The following OR2M4 variants were observed in gnomAD, a reference collection of about 807,000 sequenced individuals.
OR2M4 encodes the protein olfactory receptor family 2 subfamily M member 4.
Under a neutral mutation model 13.7 loss-of-function variants are expected in OR2M4, and 8 were observed. The observed-to-expected ratio is 0.58, with a 90% CI of 0.34 to 1.05. OR2M4 has a LOEUF of 1.05. Among genes scored for constraint, OR2M4 ranks in the 50% least tolerant of loss-of-function variants. The probability of loss-of-function intolerance (pLI) is 0.02; values close to 1 mark genes in which losing one functional copy is unlikely to be tolerated. For missense variants in OR2M4, 374 were observed against 381.6 expected, an observed-to-expected ratio of 0.98 and a Z score of 0.17; for synonymous variants, 152 against 141.3, an observed-to-expected ratio of 1.08 and a Z score of -0.53.
chr1:248,236,687 AAG>A (rs1227998725), intron 1 of OR2M4, among the ~76,000 whole-genome samples: 1 of 152,176 alleles, frequency 6.6e-6, no homozygotes, highest in Non-Finnish European at 1.5e-5. Context: ...ATAAAGAAGA[AAG>A]AGAGAATAAT....
At chr1:248,234,630 A>C (rs1666539377) in intron 1 of OR2M4, among the ~76,000 whole-genome samples, 1 of 151,534 alleles carries the variant, frequency 6.6e-6, no homozygotes, top group Admixed American at 6.6e-5. Context: ...ACCTTCATTC[A>C]TGTCCCTGCA....
Position 248,239,811 on chromosome 1 carries a change from A to T in OR2M4, c.883A>T (p.Lys295Ter). 6.2e-7 allele frequency: 1 copy of T among 1,613,970 alleles called. No homozygotes were observed. The highest frequency in any genetic ancestry group is 8.5e-7 in the Non-Finnish European group (1 of 1,179,964). ...LNPLIYSLRNKEVFRALQKVL... is the reference protein window; with the variant it reads ...LNPLIYSLRN ...CCCTCTCATTTATAGCCTCCGCAACAAAGAAGTGTTCAGGGCACTACAGAA... is the reference window on the plus strand; with the variant it reads ...CCCTCTCATTTATAGCCTCCGCAACTAAGAAGTGTTCAGGGCACTACAGAA... The change falls in exon 2 of 2, where the codon AAA becomes TAA. Residue 295 changes from lysine to a stop codon, truncating the protein, a stop_gained. Transcript: ENST00000641868. LOFTEE classifies it high-confidence loss of function.
In OR2M4 at chr1:248,241,145, C is replaced by T. The variant is rs1666615720; in HGVS notation, c.*1281C>T. The T allele has an allele frequency of 6.6e-6, 1 of 152,218 alleles. No individual in the cohort carries two copies. The highest frequency in any genetic ancestry group is 2.1e-4 in the South Asian group (1 of 4,814). The allele number at this position is 152,218 out of a possible 1,614,324, so 9.4% of individuals were successfully genotyped here. A position where few individuals can be genotyped will look rare whatever the true frequency, so the allele number is the denominator to read the frequency against. Reference sequence around the variant, plus strand: ...GCGGCGGGCACGTGAACTACAGAGACAGCAGCTGGGGCAACTGAGGTTGTG... The same window carrying T: ...GCGGCGGGCACGTGAACTACAGAGATAGCAGCTGGGGCAACTGAGGTTGTG... On this transcript the variant is annotated 3_prime_UTR_variant, in exon 2 of 2. Transcript: ENST00000641868.
At position 248,243,063 on chromosome 1, in the gene OR2M4, CTA is replaced by C. The variant is rs1376118310; in HGVS notation, c.*3200_*3201del. The C allele has an allele frequency of 3.3e-5, 5 of 151,900 alleles. No homozygotes were observed. Among genetic ancestry groups the C allele is most frequent in the Non-Finnish European group, 5.9e-5 (4 of 68,006 alleles). 9.4% of individuals were successfully genotyped at this position (151,900 alleles called of 1,614,324 possible). ...TTTGGGACATTGCGTATATGTGAAT[CTA>C]ATTTTTCAACTGTAAATTTTATTAA... On this transcript the variant is annotated 3_prime_UTR_variant, in exon 2 of 2. Transcript: ENST00000641868.
Position 248,239,372 on chromosome 1 carries a change from C to T in OR2M4, c.444C>T (p.Ser148=), listed in dbSNP as rs917813488. The T allele has an allele frequency of 1.9e-6, 3 of 1,614,096 alleles. No homozygotes were observed. Among genetic ancestry groups the T allele is most frequent in the Non-Finnish European group, 1.7e-6 (2 of 1,180,014 alleles). The change falls in exon 2 of 2, where the codon TCC becomes TCT. Residue 148 remains serine, a synonymous_variant. Transcript: ENST00000641868. ...PKLCVFMTVA[S]WTLGSLDGII... ...TCTGTGTCTTCATGACTGTTGCTTC[C>T]TGGACCTTGGGGTCTCTTGATGGGA...
chr1:248,238,960 T>A lies in OR2M4; in HGVS notation c.32T>A (p.Ile11Asn). Residue 11 changes from isoleucine (I) to asparagine (N), a missense_variant, in exon 2 of 2, where the codon ATC becomes AAC. By Grantham distance (149) the Ile-to-Asn change is moderately radical. Coordinates refer to ENST00000641868, the MANE Select transcript of OR2M4 (RefSeq NM_017504.2). ...TGGGAAAACCAGACCTTCAACTCCATCTTCATCCTGCTGGGAATCTTCAAT... is the reference window on the plus strand; with the variant it reads ...TGGGAAAACCAGACCTTCAACTCCAACTTCATCCTGCTGGGAATCTTCAAT... MVWENQTFNS[I>N]FILLGIFNHS... 1 of 1,609,032 alleles carries A rather than the reference T, an allele frequency of 6.2e-7. No homozygotes were observed. Among genetic ancestry groups the A allele is most frequent in the East Asian group, 2.2e-5 (1 of 44,862 alleles).
At chr1:248,232,995 G>A (rs1364014772) in intron 1 of OR2M4, among the ~76,000 whole-genome samples, 6 of 151,952 alleles carry the variant, frequency 3.9e-5, no homozygotes, top group Non-Finnish European at 8.8e-5. Context: ...ATTTCTAAAC[G>A]TTAAAATGGA....
At position 248,243,283 on chromosome 1, in the gene OR2M4, A is replaced by G. The variant is rs578131364; in HGVS notation, c.*3419A>G. ...GTTTTAACTTAATTTTTGGTGTTGAAGTTTGGGCTGTAATCCAGTAGATGG... is the reference window on the plus strand; with the variant it reads ...GTTTTAACTTAATTTTTGGTGTTGAGGTTTGGGCTGTAATCCAGTAGATGG... On this transcript the variant is annotated 3_prime_UTR_variant, in exon 2 of 2. Coordinates refer to ENST00000641868, the MANE Select transcript of OR2M4 (RefSeq NM_017504.2). 1 of 152,270 alleles carries G rather than the reference A, an allele frequency of 6.6e-6. No individual in the cohort carries two copies. Among genetic ancestry groups the G allele is most frequent in the South Asian group, 2.1e-4 (1 of 4,820 alleles). The allele number at this position is 152,270 out of a possible 1,614,324, so 9.4% of individuals were successfully genotyped here.
chr1:248,233,882 G>A (rs1666530916), intron 1 of OR2M4, among the ~76,000 whole-genome samples: 1 of 152,104 alleles, frequency 6.6e-6, no homozygotes, highest in Non-Finnish European at 1.5e-5. Flanking sequence ...GGAGGGGCTA[G>A]AGATAATAAT....
At chr1:248,232,773 A>G (rs925423363) in intron 1 of OR2M4, among the ~76,000 whole-genome samples, 1 of 152,146 alleles carries the variant, frequency 6.6e-6, no homozygotes, top group Non-Finnish European at 1.5e-5. Flanking sequence ...GATACCTTCA[A>G]AATGAGGCTA....
At position 248,239,104 on chromosome 1, in the gene OR2M4, T is replaced by C; in HGVS notation, c.176T>C (p.Met59Thr). 1.2e-6 allele frequency: 2 copies of C among 1,614,072 alleles called. No homozygotes were observed. Among genetic ancestry groups the C allele is most frequent in the South Asian group, 2.2e-5 (2 of 91,074 alleles). The change falls in exon 2 of 2, where the codon ATG (methionine) becomes ACG (threonine). Residue 59 changes from methionine to threonine, a missense_variant. By Grantham distance (81) the Met-to-Thr change is moderately conservative (BLOSUM62 -1). Coordinates refer to ENST00000641868, the MANE Select transcript of OR2M4 (RefSeq NM_017504.2). ...IYIEKQLHTP[M>T]YFLLSQLSLM... ...ATAGAGAAACAGCTCCACACCCCCATGTACTTCCTCCTCAGTCAACTGTCC... is the reference window on the plus strand; with the variant it reads ...ATAGAGAAACAGCTCCACACCCCCACGTACTTCCTCCTCAGTCAACTGTCC...
At chr1:248,234,836 C>T (rs1666542167) in intron 1 of OR2M4, among the ~76,000 whole-genome samples, 1 of 151,244 alleles carries the variant, frequency 6.6e-6, no homozygotes, top group South Asian at 2.1e-4. Context: ...TGTTCATGTC[C>T]TTTGCCTACT....
chr1:248,236,055 G>A (rs935641304), intron 1 of OR2M4, among the ~76,000 whole-genome samples: 6 of 152,012 alleles, frequency 3.9e-5, no homozygotes, highest in African/African-American at 1.5e-4. Flanking sequence ...TGGTGAGAGA[G>A]GGTATCTACA....
chr1:248,239,591 C>G lies in OR2M4; in HGVS notation c.663C>G (p.Val221=). The G allele has an allele frequency of 6.2e-7, 1 of 1,614,118 alleles. No individual in the cohort carries two copies. Among genetic ancestry groups the G allele is most frequent in the Non-Finnish European group, 8.5e-7 (1 of 1,180,018 alleles). ...VSVIILSYSH[V]LRAVIHMGSG... Reference sequence around the variant, plus strand: ...TTATCATACTTTCCTATTCCCATGTCCTTCGAGCCGTCATCCACATGGGCT... The same window carrying G: ...TTATCATACTTTCCTATTCCCATGTGCTTCGAGCCGTCATCCACATGGGCT... Residue 221 remains valine, a synonymous_variant, in exon 2 of 2, where the codon GTC becomes GTG. Transcript: ENST00000641868.
intron 1 of OR2M4, among the ~76,000 whole-genome samples, chr1:248,237,284 C>A (rs181290945): frequency 6.6e-6 from 1 of 152,092 alleles, no homozygotes; most frequent in Non-Finnish European, 1.5e-5. Flanking sequence ...CATAAACAAC[C>A]AATGACAACA....
At position 248,242,068 on chromosome 1, in the gene OR2M4, TCA is replaced by T. The variant is rs1166459048; in HGVS notation, c.*2205_*2206del. On this transcript the variant is annotated 3_prime_UTR_variant, in exon 2 of 2. Transcript: ENST00000641868. Reference sequence around the variant, plus strand: ...TGATACACACTGGAAATGTTTATGCTCAGTTTTTGGAAGCAGAATATATGTGT... The same window carrying T: ...TGATACACACTGGAAATGTTTATGCTGTTTTTGGAAGCAGAATATATGTGT... 2.0e-5 allele frequency: 3 copies of T among 152,204 alleles called. No homozygotes were observed. Among genetic ancestry groups the T allele is most frequent in the Non-Finnish European group, 4.4e-5 (3 of 68,048 alleles). The allele number at this position is 152,204 out of a possible 1,614,324, so 9.4% of individuals were successfully genotyped here.
In OR2M4 at chr1:248,239,021, C is replaced by T. The variant is rs1411641094; in HGVS notation, c.93C>T (p.Val31=). 1 of 1,613,852 alleles carries T rather than the reference C, an allele frequency of 6.2e-7. No homozygotes were observed. Among genetic ancestry groups the T allele is most frequent in the South Asian group, 1.1e-5 (1 of 91,056 alleles). The change falls in exon 2 of 2, where the codon GTC becomes GTT. Residue 31 remains valine, a synonymous_variant. Coordinates refer to ENST00000641868, the MANE Select transcript of OR2M4 (RefSeq NM_017504.2). The part of the protein sequence containing the change: ...SPTHTFLFSL[V]LGIFSLALME... The stretch of plus-strand genomic sequence containing the variant: ...CCCACACCTTCCTTTTTTCTCTGGT[C>T]CTGGGCATCTTCTCACTGGCATTGA...
chr1:248,239,896 G>T lies in OR2M4; in HGVS notation c.*32G>T. ...CAAAATCTTTTTGAGTGCCTACTGT[G>T]GTCAACACTCATTCAAAAAAACTGG... On this transcript the variant is annotated 3_prime_UTR_variant, in exon 2 of 2. Coordinates refer to ENST00000641868, the MANE Select transcript of OR2M4 (RefSeq NM_017504.2). 7.5e-7 allele frequency: 1 copy of T among 1,332,278 alleles called. No homozygotes were observed. The highest frequency in any genetic ancestry group is 1.0e-6 in the Non-Finnish European group (1 of 974,638). The allele number at this position is 1,332,278 out of a possible 1,614,324, so 82.5% of individuals were successfully genotyped here.
chr1:248,238,798 G>A, intron 1 of OR2M4, 112 bp from the exon 2 acceptor site: 1 of 623,958 alleles, frequency 1.6e-6, no homozygotes, highest in Non-Finnish European at 2.8e-6. Flanking sequence ...GGTAACTGAA[G>A]GTTGGTGAGA....
Sources: gnomAD v4.1 joint callset for allele counts (sites outside exome capture counted in the v4.1 genomes callset) on GRCh38, gnomAD v4.1.1 for gene constraint, MANE v1.5 for transcripts, NCBI Gene and HGNC (gene_info 2026-07-23, HGNC 2026-07-21) for gene names.